TMEM196: variants seen among roughly 807,000 people sequenced by gnomAD.
TMEM196 encodes transmembrane protein 196.
TMEM196 carries 17 observed loss-of-function variants against 20.0 expected under a neutral mutation model. The ratio of observed to expected loss-of-function variants is 0.85; its 90% CI spans 0.58 to 1.27. The LOEUF is 1.27. TMEM196 is among the 50% of genes most tolerant of loss of function. TMEM196 has a pLI of 0.00. For missense variants in TMEM196, 267 were observed against 223.0 expected, an observed-to-expected ratio of 1.20 and a Z score of -1.26; for synonymous variants, 113 against 88.9, an observed-to-expected ratio of 1.27 and a Z score of -1.52.
Position 19,736,397 on chromosome 7 carries a change from AT to A in TMEM196, c.148-6960del, listed in dbSNP as rs1562612319. 2.7e-4 allele frequency among the ~76,000 whole-genome samples: 38 copies of A among 138,580 alleles called. No homozygotes were observed. In the South Asian group the frequency reaches 5.7e-3, roughly 21 times the overall value. 90.9% of individuals were successfully genotyped at this position (138,580 alleles called of 152,430 possible). On this transcript the variant is annotated intron_variant, in intron 1 of 4. Transcript: ENST00000405844. ...TATATATATATATATATATATATAT[AT>A]ATAAATTATCTCTGTAAAATGGAGA...
chr7:19,750,458 A>G (rs1784917037), intron 1 of TMEM196, among the ~76,000 whole-genome samples: 1 of 152,126 alleles, frequency 6.6e-6, no homozygotes. Flanking sequence ...CAAGTAGTTG[A>G]GGTATTTAAT....
At chr7:19,763,648 A>G (rs1306546992) in intron 1 of TMEM196, among the ~76,000 whole-genome samples, 1 of 152,208 alleles carries the variant, frequency 6.6e-6, no homozygotes, top group Non-Finnish European at 1.5e-5. Flanking sequence ...CAATGGTCTT[A>G]CAGCAAGATC....
At position 19,766,292 on chromosome 7, in the gene TMEM196, A is replaced by T. The variant is rs1032069673; in HGVS notation, c.147+6258T>A. ...GGCTTTGTACATTACAGGGGAAAGTAGTCACACAGTTTCTTCTCTCTTTCT... is the reference window on the plus strand; with the variant it reads ...GGCTTTGTACATTACAGGGGAAAGTTGTCACACAGTTTCTTCTCTCTTTCT... On this transcript the variant is annotated intron_variant, in intron 1 of 4. Coordinates refer to ENST00000405844, the MANE Select transcript of TMEM196 (RefSeq NM_001363562.2). Among the ~76,000 whole-genome samples the T allele has an allele frequency of 2.0e-5, 3 of 152,140 alleles. No individual in the cohort carries two copies. In the East Asian group the frequency reaches 5.8e-4, roughly 29 times the overall value.
At chr7:19,752,621 C>CTT (rs554647960) in intron 1 of TMEM196, among the ~76,000 whole-genome samples, 2 of 150,212 alleles carry the variant, frequency 1.3e-5, no homozygotes, top group East Asian at 2.0e-4. Context: ...TTCTTTCTTT[C>CTT]TTTCTTTTTT....
At chr7:19,725,363 T>A (rs568140405) in intron 3 of TMEM196, 151 bp downstream of exon 3, 2 of 1,070,954 alleles carry the variant, frequency 1.9e-6, no homozygotes, top group South Asian at 4.8e-5. Context: ...CAGAGAAAAA[T>A]AAAATAAAAT....
At chr7:19,770,746 T>C (rs1785838359) in intron 1 of TMEM196, among the ~76,000 whole-genome samples, 1 of 152,168 alleles carries the variant, frequency 6.6e-6, no homozygotes, top group African/African-American at 2.4e-5. Flanking sequence ...TGCTTTTCCA[T>C]GAGGTGATTC....
intron 1 of TMEM196, among the ~76,000 whole-genome samples, chr7:19,742,522 G>T (rs781052404): frequency 1.3e-5 from 2 of 152,000 alleles, no homozygotes; most frequent in Non-Finnish European, 2.9e-5. Context: ...AAGAGACATC[G>T]CTCCATTTGA....
chr7:19,730,502 C>G (rs186607958), intron 1 of TMEM196, among the ~76,000 whole-genome samples: 82 of 152,204 alleles, frequency 5.4e-4, no homozygotes, highest in African/African-American at 1.8e-3. Context: ...ATAAAATATT[C>G]ATTAAGAAGT....
intron 1 of TMEM196, among the ~76,000 whole-genome samples, chr7:19,770,279 G>GT (rs575767993): frequency 9.5e-4 from 145 of 152,200 alleles, no homozygotes; most frequent in Middle Eastern, 3.4e-3. Flanking sequence ...CTATGGAGTA[G>GT]TTTTTTTAAG....
At chr7:19,726,997 C>G (rs1324143812) in intron 2 of TMEM196, among the ~76,000 whole-genome samples, 1 of 152,086 alleles carries the variant, frequency 6.6e-6, no homozygotes, top group Non-Finnish European at 1.5e-5. Context: ...CAAATTAAGT[C>G]CTAACTTGGA....
chr7:19,762,239 T>C (rs1056823417), intron 1 of TMEM196, among the ~76,000 whole-genome samples: 2 of 152,040 alleles, frequency 1.3e-5, no homozygotes, highest in African/African-American at 2.4e-5. Context: ...GTCTCATAGA[T>C]AGTAGTAAAA....
At chr7:19,742,612 A>G (rs1390354443) in intron 1 of TMEM196, among the ~76,000 whole-genome samples, 1 of 152,176 alleles carries the variant, frequency 6.6e-6, no homozygotes, top group Non-Finnish European at 1.5e-5. Context: ...GGCAGTGTAT[A>G]AAAGCTGCCG....
chr7:19,756,730 G>A (rs141190360), intron 1 of TMEM196, among the ~76,000 whole-genome samples: 3,978 of 152,232 alleles, frequency 0.026, 85 homozygotes, highest in South Asian at 0.066. Context: ...TTAGTTTGCT[G>A]AGGATAATGG....
At chr7:19,745,476 C>A (rs1784720243) in intron 1 of TMEM196, among the ~76,000 whole-genome samples, 1 of 151,854 alleles carries the variant, frequency 6.6e-6, no homozygotes, top group Admixed American at 6.6e-5. Context: ...TCACCTTTCC[C>A]TGAAGATTCT....
intron 1 of TMEM196, among the ~76,000 whole-genome samples, chr7:19,761,394 A>G (rs563481497): frequency 4.6e-5 from 7 of 152,362 alleles, no homozygotes; most frequent in Admixed American, 3.3e-4. Context: ...CTTCCACTAT[A>G]GAAAATTTCA....
intron 1 of TMEM196, among the ~76,000 whole-genome samples, chr7:19,757,709 C>A (rs930797721): frequency 4.0e-5 from 6 of 151,782 alleles, no homozygotes; most frequent in African/African-American, 1.5e-4. Flanking sequence ...GTAACTGATC[C>A]TTTGAGAAAA....
At chr7:19,733,660 T>C (rs67688333) in intron 1 of TMEM196, among the ~76,000 whole-genome samples, 1 of 67,866 alleles carries the variant, frequency 1.5e-5, no homozygotes, top group Non-Finnish European at 2.5e-5. Context: ...GATCCTTTTT[T>C]AAAAAAAAAA....
At chr7:19,748,263 C>CAAAAAAAAAAAAAAA (rs57276805) in intron 1 of TMEM196, among the ~76,000 whole-genome samples, 1 of 20,780 alleles carries the variant, frequency 4.8e-5, no homozygotes, top group African/African-American at 1.7e-4. Context: ...TGTGGCTGTC[C>CAAAAAAAAAAAAAAA]AAAAAAAAAA....
chr7:19,766,664 A>C (rs933457846), intron 1 of TMEM196, among the ~76,000 whole-genome samples: 1 of 151,422 alleles, frequency 6.6e-6, no homozygotes, highest in Non-Finnish European at 1.5e-5. Context: ...AAACCCAAAA[A>C]CTGTTGCAGT....
Sources: allele counts gnomAD v4.1 joint callset (sites outside exome capture counted in the v4.1 genomes callset), GRCh38; gene constraint gnomAD v4.1.1; transcripts MANE v1.5; gene names NCBI Gene and HGNC (gene_info 2026-07-23, HGNC 2026-07-21).